The following TTLL4 variants were observed in gnomAD, a reference collection of about 807,000 sequenced individuals.
TTLL4 encodes tubulin tyrosine ligase like 4, also known as tubulin monoglutamylase TTLL4.
TTLL4 carries 85 observed loss-of-function variants against 122.7 expected under a neutral mutation model. The ratio of observed to expected loss-of-function variants is 0.69; its 90% CI spans 0.58 to 0.83. TTLL4 has a LOEUF of 0.83. TTLL4 is among the 40% of genes least tolerant of loss of function. The pLI, the probability that TTLL4 is intolerant of heterozygous loss-of-function variation, is 0.00. For missense variants in TTLL4, 1,363 were observed against 1,488.6 expected (o/e 0.92, Z 1.39); for synonymous variants, 553 against 563.0 (o/e 0.98, Z 0.25).
rs1943018474 is a variant in TTLL4 at position 218,751,720 on chromosome 2, G to A, written c.2890G>A (p.Gly964Arg). Residue 964 changes from glycine to arginine, a missense_variant, in exon 16 of 20, where the codon GGG (glycine) becomes AGG (arginine). Gly to Arg is a moderately radical substitution (Grantham distance 125). Around this residue, in one of 3 missense-constraint regions of TTLL4, gnomAD observed 596 missense variants for 655.8 expected, o/e 0.91. Coordinates refer to ENST00000392102, the MANE Select transcript of TTLL4 (RefSeq NM_014640.5). ...CTGCCGTAGCCTGCCCACCTCCCCT[G>A]GGGACAAATGTCGAATGGCTCCAGA... The part of the protein sequence containing the change: ...SSTTSLPTSP[G>R]DKCRMAPEHV... 1.2e-6 allele frequency: 2 copies of A among 1,612,708 alleles called. No individual in the cohort carries two copies. The highest frequency in any genetic ancestry group is 2.2e-5 in the East Asian group (1 of 44,798).
intron 8 of TTLL4, 72 bp from the exon 9 acceptor site, chr2:218,746,931 A>C: frequency 6.6e-7 from 1 of 1,510,850 alleles, no homozygotes; most frequent in Non-Finnish European, 9.0e-7. Flanking sequence ...GGAATGGTAG[A>C]ATGAGTCTTG....
At chr2:218,726,805 TTTCTTTC>T in intron 1 of TTLL4, among the ~76,000 whole-genome samples, 1 of 150,538 alleles carries the variant, frequency 6.6e-6, no homozygotes, top group Admixed American at 6.6e-5. Flanking sequence ...AACTAGTTTC[TTTCTTTC>T]TTTTTTTTTT....
intron 13 of TTLL4, 34 bp from the exon 14 acceptor site, chr2:218,749,219 G>A (rs1226814397): frequency 6.2e-7 from 1 of 1,612,712 alleles, no homozygotes; most frequent in Non-Finnish European, 8.5e-7. Flanking sequence ...TCTGGGAGGA[G>A]CTGAACTGAG....
intron 14 of TTLL4, 100 bp from the exon 15 acceptor site, chr2:218,749,909 G>A: frequency 6.8e-7 from 1 of 1,480,904 alleles, no homozygotes; most frequent in Middle Eastern, 1.8e-4. Flanking sequence ...TTCATCTTAG[G>A]GAAGCCAGGA....
chr2:218,726,768 CT>C (rs1942210714), intron 1 of TTLL4, among the ~76,000 whole-genome samples: 1 of 149,824 alleles, frequency 6.7e-6, no homozygotes, highest in Non-Finnish European at 1.5e-5. Flanking sequence ...CGCCTGGCCT[CT>C]TTTGTGAAAT....
intron 1 of TTLL4, among the ~76,000 whole-genome samples, chr2:218,716,506 C>G (rs376161075): frequency 6.6e-6 from 1 of 152,170 alleles, no homozygotes; most frequent in Admixed American, 6.6e-5. Flanking sequence ...TACACTGTGT[C>G]GGGCTGGGCG....
intron 5 of TTLL4, among the ~76,000 whole-genome samples, chr2:218,741,842 G>C (rs1942710652): frequency 6.6e-6 from 1 of 152,104 alleles, no homozygotes; most frequent in African/African-American, 2.4e-5. Context: ...TGATATATAA[G>C]ATAAAATTCA....
downstream of TTLL4, among the ~76,000 whole-genome samples, chr2:218,756,126 A>G (rs1023339778): frequency 2.0e-5 from 3 of 152,152 alleles, no homozygotes; most frequent in African/African-American, 7.2e-5. Flanking sequence ...CTGCCTTCCT[A>G]AGAGAAAATG....
chr2:218,721,072 A>T (rs373305534), intron 1 of TTLL4, among the ~76,000 whole-genome samples: 3 of 152,206 alleles, frequency 2.0e-5, no homozygotes, highest in African/African-American at 7.2e-5. Context: ...CCTTTTCCCC[A>T]TCCCTTGCCC....
intron 2 of TTLL4, chr2:218,728,026 TCA>T (rs1299744652): frequency 6.6e-6 from 1 of 151,982 alleles, no homozygotes; most frequent in Non-Finnish European, 1.5e-5. Context: ...AATCACTAGG[TCA>T]CTACCTCTTT....
intron 17 of TTLL4, 58 bp from the exon 18 acceptor site, chr2:218,753,057 A>G: frequency 6.2e-7 from 1 of 1,613,082 alleles, no homozygotes; most frequent in Middle Eastern, 1.7e-4. Flanking sequence ...CTCTCTGGAA[A>G]GAATTGGCCA....
intron 7 of TTLL4, 107 bp from the exon 8 acceptor site, chr2:218,746,048 T>C: frequency 7.3e-7 from 1 of 1,375,788 alleles, no homozygotes; most frequent in East Asian, 2.3e-5. Flanking sequence ...ATAGCAACTC[T>C]TTGAAAACCA....
Position 218,739,135 on chromosome 2 carries a change from G to C in TTLL4, c.1459G>C (p.Glu487Gln). Reference protein sequence around the residue: ...SEKERPEEARELDSSDRDISS... With the variant: ...SEKERPEEARQLDSSDRDISS... ...GAAGGAGAGACCTGAGGAGGCCAGG[G>C]AGCTGGACTCATCTGATAGGGATAT... The change falls in exon 3 of 20, where the codon GAG becomes CAG. Residue 487 changes from glutamate (E) to glutamine (Q), a missense_variant. This residue lies in a region of TTLL4 where 760 missense variants were observed against 808.4 expected (regional missense o/e 0.94). Transcript: ENST00000392102. The C allele has an allele frequency of 6.2e-7, 1 of 1,613,700 alleles. No individual in the cohort carries two copies. Among genetic ancestry groups the C allele is most frequent in the Non-Finnish European group, 8.5e-7 (1 of 1,180,012 alleles).
At chr2:218,749,588 C>T (rs1457295808) in intron 14 of TTLL4, among the ~76,000 whole-genome samples, 1 of 152,158 alleles carries the variant, frequency 6.6e-6, no homozygotes, top group Non-Finnish European at 1.5e-5. Flanking sequence ...CTGCCTCAGC[C>T]TCCCAAGTAG....
In TTLL4 at chr2:218,748,876, G is replaced by T; in HGVS notation, c.2542G>T (p.Val848Phe). ...ALWNYLSQKGVNSDAIWEKIK... is the reference protein window; with the variant it reads ...ALWNYLSQKGFNSDAIWEKIK... Reference sequence around the variant, plus strand: ...GTGGAACTACCTGAGCCAGAAGGGAGTCAATAGCGACGCCATCTGGGAGAA... The same window carrying T: ...GTGGAACTACCTGAGCCAGAAGGGATTCAATAGCGACGCCATCTGGGAGAA... The change falls in exon 13 of 20, where the codon GTC becomes TTC. Residue 848 changes from valine to phenylalanine, a missense_variant. This residue lies in a region of TTLL4 where 596 missense variants were observed against 655.8 expected (regional missense o/e 0.91). Coordinates refer to ENST00000392102, the MANE Select transcript of TTLL4 (RefSeq NM_014640.5). The T allele has an allele frequency of 6.2e-7, 1 of 1,614,036 alleles. No individual in the cohort carries two copies. Among genetic ancestry groups the T allele is most frequent in the East Asian group, 2.2e-5 (1 of 44,896 alleles).
rs576165214 is a variant in TTLL4 at position 218,720,327 on chromosome 2, G to A, written c.-177-6942G>A. 2.0e-5 allele frequency among the ~76,000 whole-genome samples: 3 copies of A among 152,334 alleles called. No individual in the cohort carries two copies. The South Asian group carries it at 6.2e-4, about 32-fold the overall frequency. On this transcript the variant is annotated intron_variant, in intron 1 of 19. Coordinates refer to ENST00000392102, the MANE Select transcript of TTLL4 (RefSeq NM_014640.5). ...CCTCAGGAGGAGGAAAGACACTATT[G>A]AAGGGGTTGGGTACAGCTGTGGCAG...
At position 218,754,156 on chromosome 2, in the gene TTLL4, A is replaced by G; in HGVS notation, c.3367A>G (p.Ser1123Gly). 6.2e-7 allele frequency: 1 copy of G among 1,614,158 alleles called. No homozygotes were observed. The highest frequency in any genetic ancestry group is 1.1e-5 in the South Asian group (1 of 91,082). ...KLGKQSSCEV[S>G]LLLSEDGTTP... ...CAGAAAACAAAGCTCCTGTGAGGTT[A>G]GCCTACTACTCTCTGAAGACGGGAC... Residue 1123 changes from serine (S) to glycine (G), a missense_variant, in exon 20 of 20, where the codon AGC (serine) becomes GGC (glycine). This residue lies in a region of TTLL4 where 596 missense variants were observed against 655.8 expected (regional missense o/e 0.91). Transcript: ENST00000392102.
chr2:218,725,519 G>A (rs1490084961), intron 1 of TTLL4, among the ~76,000 whole-genome samples: 1 of 151,832 alleles, frequency 6.6e-6, no homozygotes, highest in Non-Finnish European at 1.5e-5. Flanking sequence ...TCCTCCATGC[G>A]TTTTAACTAT....
Position 218,737,584 on chromosome 2 carries a change from C to T in TTLL4, c.-93C>T. The stretch of plus-strand genomic sequence containing the variant: ...ATCATTTCTCTCCACTTCAGACTGA[C>T]AGACTTCAAGGATGCAGCTGCTACT... On this transcript the variant is annotated 5_prime_UTR_variant, in exon 3 of 20. Coordinates refer to ENST00000392102, the MANE Select transcript of TTLL4 (RefSeq NM_014640.5). 7.1e-7 allele frequency: 1 copy of T among 1,405,172 alleles called. No homozygotes were observed. Among genetic ancestry groups the T allele is most frequent in the Middle Eastern group, 2.7e-4 (1 of 3,770 alleles). The allele number at this position is 1,405,172 out of a possible 1,614,324, so 87.0% of individuals were successfully genotyped here.
Sources: gnomAD v4.1 joint callset for allele counts (sites outside exome capture counted in the v4.1 genomes callset) on GRCh38, gnomAD v4.1.1 for gene constraint, gnomAD v4.1.1 regional missense constraint, MANE v1.5 for transcripts, NCBI Gene and HGNC (gene_info 2026-07-23, HGNC 2026-07-21) for gene names.